The following TNNI3K variants were observed in gnomAD, a reference collection of about 807,000 sequenced individuals.
TNNI3K encodes TNNI3 interacting kinase, also known as serine/threonine-protein kinase TNNI3K.
Under a neutral mutation model 114.5 loss-of-function variants are expected in TNNI3K, and 140 were observed. That is an observed-to-expected ratio of 1.22 (90% CI 1.07 to 1.41). The LOEUF is 1.41. Among genes scored for constraint, TNNI3K ranks in the 40% most tolerant of loss-of-function variants. TNNI3K has a pLI of 0.00. For missense variants in TNNI3K, 1,125 were observed against 1,007.6 expected, an observed-to-expected ratio of 1.12 and a Z score of -1.58; for synonymous variants, 347 against 347.5, an observed-to-expected ratio of 1.00 and a Z score of 0.02.
chr1:74,367,922 T>C lies in TNNI3K; in HGVS notation c.1279T>C (p.Ser427Pro). ...SQPGGDGSYV[S>P]VPSPLGKIKS... is the part of the protein sequence containing the mutation. Reference sequence around the variant, plus strand: ...TTAATTTCTAGATGGCTCCTATGTGTCTGTTCCATCACCCTTGGGGAAGAT... The same window carrying C: ...TTAATTTCTAGATGGCTCCTATGTGCCTGTTCCATCACCCTTGGGGAAGAT... The change falls in exon 13 of 25, where the codon TCT (serine) becomes CCT (proline). Residue 427 changes from serine to proline, a missense_variant. Ser to Pro is a moderately conservative substitution (Grantham distance 74). Transcript: ENST00000326637. The C allele has an allele frequency of 6.3e-7, 1 of 1,578,072 alleles. No homozygotes were observed. Among genetic ancestry groups the C allele is most frequent in the South Asian group, 1.2e-5 (1 of 83,382 alleles).
chr1:74,353,874 A>G, intron 10 of TNNI3K, 106 bp from the exon 11 acceptor site: 1 of 1,422,012 alleles, frequency 7.0e-7, no homozygotes, highest in Non-Finnish European at 9.4e-7. Context: ...TCCTTACTTC[A>G]TACCTTTGGA....
intron 5 of TNNI3K, among the ~76,000 whole-genome samples, chr1:74,280,986 G>A (rs923353644): frequency 6.6e-6 from 1 of 152,016 alleles, no homozygotes; most frequent in Non-Finnish European, 1.5e-5. Context: ...CTCAGCTACA[G>A]TAAACTAAAG....
intron 4 of TNNI3K, among the ~76,000 whole-genome samples, chr1:74,270,279 A>G (rs544325942): frequency 6.6e-6 from 1 of 151,902 alleles, no homozygotes; most frequent in African/African-American, 2.4e-5. Context: ...AAGAAATGAG[A>G]CTGCAACTGT....
chr1:74,526,529 A>G (rs778532041), intron 23 of TNNI3K, among the ~76,000 whole-genome samples: 7 of 152,216 alleles, frequency 4.6e-5, no homozygotes, highest in Non-Finnish European at 8.8e-5. Context: ...TTTCTCAGCT[A>G]TAGGATGAAA....
chr1:74,362,942 A>G (rs1057377971), intron 11 of TNNI3K, among the ~76,000 whole-genome samples: 3 of 152,140 alleles, frequency 2.0e-5, no homozygotes, highest in African/African-American at 7.2e-5. Flanking sequence ...TAATACTCTA[A>G]AAGTGCAGAT....
intron 17 of TNNI3K, 172 bp downstream of exon 17, chr1:74,370,564 G>A: frequency 2.3e-6 from 1 of 435,026 alleles, no homozygotes; most frequent in Non-Finnish European, 4.0e-6. Flanking sequence ...CTTTTAAGGA[G>A]TAGAAAGCTG....
intron 5 of TNNI3K, among the ~76,000 whole-genome samples, chr1:74,281,607 C>T (rs1021326480): frequency 2.6e-5 from 4 of 151,946 alleles, no homozygotes; most frequent in East Asian, 1.9e-4. Flanking sequence ...GTTTCTTTTT[C>T]GATCTTTCAG....
chr1:74,426,004 TA>T (rs10712987), intron 17 of TNNI3K, among the ~76,000 whole-genome samples: 139,764 of 151,906 alleles, frequency 0.92, 64,298 homozygotes, highest in East Asian at 0.97. Context: ...TCAGTGAATT[TA>T]AAAAAAAATA....
chr1:74,504,260 C>T (rs9726029), intron 23 of TNNI3K, among the ~76,000 whole-genome samples: 7 of 152,276 alleles, frequency 4.6e-5, no homozygotes, highest in Admixed American at 1.3e-4. Flanking sequence ...AACTCCTTTT[C>T]GGCTGATGTG....
At chr1:74,507,873 C>G (rs1570717849) in intron 23 of TNNI3K, among the ~76,000 whole-genome samples, 1 of 152,182 alleles carries the variant, frequency 6.6e-6, no homozygotes, top group South Asian at 2.1e-4. Flanking sequence ...ATTTTTTCCT[C>G]TCTGGTTAGT....
chr1:74,353,885 A>T, intron 10 of TNNI3K, 95 bp from the exon 11 acceptor site: 1 of 1,445,666 alleles, frequency 6.9e-7, no homozygotes, highest in Non-Finnish European at 9.2e-7. Flanking sequence ...TACCTTTGGA[A>T]ATAATGCTAT....
At chr1:74,309,274 A>AGGAGAAT (rs1291987808) in intron 5 of TNNI3K, among the ~76,000 whole-genome samples, 2 of 143,088 alleles carry the variant, frequency 1.4e-5, no homozygotes, top group Non-Finnish European at 3.0e-5. Flanking sequence ...AGGCTGAGGC[A>AGGAGAAT]GGAGAATGGC....
chr1:74,346,997 A>T (rs577911341), intron 9 of TNNI3K, among the ~76,000 whole-genome samples: 49 of 151,476 alleles, frequency 3.2e-4, no homozygotes, highest in African/African-American at 1.1e-3. Context: ...TTTATTTATT[A>T]ATTATTATTA....
intron 23 of TNNI3K, among the ~76,000 whole-genome samples, chr1:74,534,833 G>T (rs1646640357): frequency 6.6e-6 from 1 of 152,088 alleles, no homozygotes; most frequent in Non-Finnish European, 1.5e-5. Flanking sequence ...TGTGAAAGTG[G>T]TTTCTCTACA....
At chr1:74,413,315 A>G (rs1557551107) in intron 17 of TNNI3K, among the ~76,000 whole-genome samples, 1 of 152,204 alleles carries the variant, frequency 6.6e-6, no homozygotes, top group Non-Finnish European at 1.5e-5. Flanking sequence ...AATATAATTT[A>G]TTCATTTTAA....
At chr1:74,355,877 A>G (rs1661627767) in intron 11 of TNNI3K, among the ~76,000 whole-genome samples, 1 of 152,114 alleles carries the variant, frequency 6.6e-6, no homozygotes, top group Non-Finnish European at 1.5e-5. Context: ...TGGTGGGCTT[A>G]TTTTGCTTTT....
chr1:74,282,050 C>G (rs1334026340), intron 5 of TNNI3K, among the ~76,000 whole-genome samples: 1 of 152,070 alleles, frequency 6.6e-6, no homozygotes, highest in Non-Finnish European at 1.5e-5. Context: ...ACTTGTTTTG[C>G]TAATATTCAT....
At chr1:74,273,241 A>T (rs1482412245) in intron 5 of TNNI3K, among the ~76,000 whole-genome samples, 1 of 151,894 alleles carries the variant, frequency 6.6e-6, no homozygotes, top group Non-Finnish European at 1.5e-5. Context: ...ACTCCTTTCC[A>T]TATCACCTTA....
intron 23 of TNNI3K, chr1:74,512,408 A>T (rs1670274602): frequency 6.6e-6 from 1 of 152,206 alleles, no homozygotes; most frequent in Non-Finnish European, 1.5e-5. Flanking sequence ...TACTGATGAC[A>T]TCACCCACAT....
Sources: allele counts gnomAD v4.1 joint callset (sites outside exome capture counted in the v4.1 genomes callset), GRCh38; gene constraint gnomAD v4.1.1; transcripts MANE v1.5; gene names NCBI Gene and HGNC (gene_info 2026-07-23, HGNC 2026-07-21).